The following REDIC1 variants were observed in gnomAD, a reference collection of about 807,000 sequenced individuals.
REDIC1 encodes regulator of DNA class I crossover intermediates 1.
the REDIC1 span, among the ~76,000 whole-genome samples, chr12:39,777,015 A>G: frequency 1.3e-5 from 2 of 152,192 alleles, no homozygotes; most frequent in Non-Finnish European, 2.9e-5. Context: ...TATGGGAGGT[A>G]ATATATTAAT....
chr12:39,829,660 G>C, the REDIC1 span: 244 of 169,312 alleles, frequency 1.4e-3, 1 homozygote, highest in African/African-American at 5.7e-3. Flanking sequence ...TGATCTGCCT[G>C]CCTCAGCCTC....
the REDIC1 span, among the ~76,000 whole-genome samples, chr12:39,700,700 C>T: frequency 3.9e-5 from 6 of 152,038 alleles, no homozygotes; most frequent in South Asian, 6.2e-4. Flanking sequence ...GGTCGGGTTA[C>T]CCTCAAAGGG....
the REDIC1 span, among the ~76,000 whole-genome samples, chr12:39,805,792 G>T: frequency 6.6e-6 from 1 of 152,138 alleles, no homozygotes; most frequent in Non-Finnish European, 1.5e-5. Context: ...CAGAGTTGAG[G>T]TTTTAAATAA....
chr12:39,709,226 GT>G, the REDIC1 span, among the ~76,000 whole-genome samples: 110,537 of 142,918 alleles, frequency 0.77, 43,041 homozygotes, highest in Non-Finnish European at 0.84. Context: ...AGACTTATGT[GT>G]TTTTTTTTTT....
the REDIC1 span, among the ~76,000 whole-genome samples, chr12:39,873,244 T>C: frequency 6.6e-6 from 1 of 152,226 alleles, no homozygotes; most frequent in South Asian, 2.1e-4. Flanking sequence ...ATTTTAAGAC[T>C]GAATTCTGAC....
the REDIC1 span, among the ~76,000 whole-genome samples, chr12:39,877,806 T>G: frequency 6.6e-6 from 1 of 152,200 alleles, no homozygotes. Context: ...AAAAAATACA[T>G]CATATTTTCC....
the REDIC1 span, among the ~76,000 whole-genome samples, chr12:39,895,657 CAT>C: frequency 4.8e-3 from 327 of 68,136 alleles, 33 homozygotes; most frequent in African/African-American, 0.016. Flanking sequence ...TACGTACACA[CAT>C]ATGTATATGC....
chr12:39,780,076 C>T, the REDIC1 span, among the ~76,000 whole-genome samples: 1 of 152,154 alleles, frequency 6.6e-6, no homozygotes, highest in African/African-American at 2.4e-5. Context: ...ATGTAAATTC[C>T]TCATTTGATG....
the REDIC1 span, among the ~76,000 whole-genome samples, chr12:39,787,954 T>C: frequency 6.6e-6 from 1 of 152,168 alleles, no homozygotes; most frequent in African/African-American, 2.4e-5. Flanking sequence ...TAATGTAATA[T>C]ATGGTACTGC....
At chr12:39,844,152 A>T in the REDIC1 span, among the ~76,000 whole-genome samples, 4 of 152,208 alleles carry the variant, frequency 2.6e-5, no homozygotes, top group East Asian at 7.7e-4. Flanking sequence ...TGCAACACAC[A>T]TGCCTCCTTC....
the REDIC1 span, among the ~76,000 whole-genome samples, chr12:39,851,606 T>C: frequency 5.3e-5 from 8 of 152,148 alleles, no homozygotes; most frequent in African/African-American, 1.9e-4. Flanking sequence ...CAAGGAGTAA[T>C]AGGTTTCTAC....
chr12:39,875,746 A>G, the REDIC1 span, among the ~76,000 whole-genome samples: 1 of 152,232 alleles, frequency 6.6e-6, no homozygotes, highest in African/African-American at 2.4e-5. Flanking sequence ...ACTTAATTTT[A>G]AAAGTCAGGT....
the REDIC1 span, among the ~76,000 whole-genome samples, chr12:39,800,548 A>G: frequency 1.8e-5 from 2 of 110,778 alleles, no homozygotes; most frequent in African/African-American, 3.6e-5. Flanking sequence ...ACTATGAGAT[A>G]TCATCTCACA....
At chr12:39,797,291 C>T in the REDIC1 span, among the ~76,000 whole-genome samples, 7 of 152,278 alleles carry the variant, frequency 4.6e-5, no homozygotes, top group South Asian at 2.1e-4. Flanking sequence ...TCTTTAAGTA[C>T]ATTGAAAAAT....
the REDIC1 span, among the ~76,000 whole-genome samples, chr12:39,724,460 T>A: frequency 6.6e-6 from 1 of 152,060 alleles, no homozygotes; most frequent in Non-Finnish European, 1.5e-5. Flanking sequence ...GTAACTTGCT[T>A]AATAACCAAC....
At chr12:39,729,664 G>T in the REDIC1 span, among the ~76,000 whole-genome samples, 1 of 152,182 alleles carries the variant, frequency 6.6e-6, no homozygotes, top group African/African-American at 2.4e-5. Context: ...TTCTGTAGAT[G>T]TCTATTAGGT....
chr12:39,691,824 T>C, the REDIC1 span, among the ~76,000 whole-genome samples: 1 of 152,162 alleles, frequency 6.6e-6, no homozygotes, highest in Non-Finnish European at 1.5e-5. Flanking sequence ...ATTCATTTCT[T>C]GGCAAGTGTC....
the REDIC1 span, among the ~76,000 whole-genome samples, chr12:39,676,142 A>G: frequency 6.6e-6 from 1 of 152,212 alleles, no homozygotes; most frequent in Admixed American, 6.5e-5. Context: ...AGGTTGATTA[A>G]TATACTACTC....
chr12:39,790,120 T>A, the REDIC1 span, among the ~76,000 whole-genome samples: 2 of 47,870 alleles, frequency 4.2e-5, no homozygotes, highest in Admixed American at 3.8e-4. Context: ...GTGCATTCTT[T>A]TGTGTTCTTT....
Sources: allele counts gnomAD v4.1 joint callset (sites outside exome capture counted in the v4.1 genomes callset), GRCh38; gene constraint gnomAD v4.1.1; transcripts MANE v1.5; gene names NCBI Gene and HGNC (gene_info 2026-07-23, HGNC 2026-07-21).